Variants in SCMH1 observed in about 807,000 individuals in gnomAD.
SCMH1 encodes the protein Scm polycomb group protein homolog 1.
A neutral mutation model predicts 70.8 loss-of-function variants in SCMH1; 37 were observed. The observed-to-expected ratio is 0.52, with a 90% CI of 0.40 to 0.69. The LOEUF is 0.69. Among genes scored for constraint, SCMH1 ranks in the 30% least tolerant of loss-of-function variants. The pLI is 0.00. For missense variants in SCMH1, 607 were observed against 827.3 expected (o/e 0.73, Z 3.27); for synonymous variants, 292 against 307.4 (o/e 0.95, Z 0.52).
At chr1:41,037,067 G>A (rs1042097762) in intron 13 of SCMH1, among the ~76,000 whole-genome samples, 4 of 149,022 alleles carry the variant, frequency 2.7e-5, no homozygotes, top group Admixed American at 6.6e-5. Context: ...GCTTCCCCAT[G>A]CCAAACACAA....
intron 1 of SCMH1, among the ~76,000 whole-genome samples, chr1:41,198,831 T>C (rs149635453): frequency 1.4e-4 from 22 of 152,322 alleles, no homozygotes; most frequent in Non-Finnish European, 2.2e-4. Context: ...GAAATCTTCA[T>C]GTGAAAAGCA....
intron 8 of SCMH1, among the ~76,000 whole-genome samples, chr1:41,078,681 C>T (rs1049571144): frequency 2.6e-5 from 4 of 152,038 alleles, no homozygotes; most frequent in Admixed American, 1.3e-4. Flanking sequence ...GAATTATACA[C>T]CCAGTGAAAA....
At position 41,056,327 on chromosome 1, in the gene SCMH1, C is replaced by T. The variant is rs915768170; in HGVS notation, c.1106-7437G>A. On this transcript the variant is annotated intron_variant, in intron 10 of 14. Transcript: ENST00000337495. ...AGGTACCCCAACTGATGCCATGTGGCGCAGAGATGAGCTGTATTCATTTTA... is the reference window on the plus strand; with the variant it reads ...AGGTACCCCAACTGATGCCATGTGGTGCAGAGATGAGCTGTATTCATTTTA... Among the ~76,000 whole-genome samples, 6 of 152,328 alleles carry T rather than the reference C, an allele frequency of 3.9e-5. 1 individual carries two copies. The South Asian group carries it at 6.2e-4, about 16-fold the overall frequency.
At chr1:41,145,163 A>C (rs1293245225) in intron 5 of SCMH1, among the ~76,000 whole-genome samples, 2 of 152,106 alleles carry the variant, frequency 1.3e-5, no homozygotes, top group African/African-American at 4.8e-5. Context: ...AAGGTCATGA[A>C]GATTTCCTTC....
chr1:41,173,713 A>G (rs1434157747), intron 2 of SCMH1, among the ~76,000 whole-genome samples: 2 of 152,212 alleles, frequency 1.3e-5, no homozygotes, highest in Non-Finnish European at 2.9e-5. Flanking sequence ...GGATCAACCA[A>G]AGTGTCCATC....
chr1:41,218,358 C>T (rs1342756185), intron 1 of SCMH1, among the ~76,000 whole-genome samples: 1 of 152,022 alleles, frequency 6.6e-6, no homozygotes, highest in Non-Finnish European at 1.5e-5. Context: ...TAGGGTAGGC[C>T]ATGATCCAAT....
At chr1:41,242,123 G>A (rs1224296122), upstream of SCMH1, 1 of 149,698 alleles carries the variant, frequency 6.7e-6, no homozygotes, top group East Asian at 2.0e-4. This position sits in a 1 kb window ranked among gnomAD's most constrained non-coding sequence, Gnocchi z 5.2. Flanking sequence ...CCGCTGCGCA[G>A]GGAGGGAGCG....
At chr1:41,101,473 T>C (rs1666642332) in intron 8 of SCMH1, among the ~76,000 whole-genome samples, 1 of 152,218 alleles carries the variant, frequency 6.6e-6, no homozygotes, top group Non-Finnish European at 1.5e-5. Flanking sequence ...AACTTTTAGA[T>C]GGGAGAGAAA....
chr1:41,115,506 C>T (rs968104949), intron 7 of SCMH1, among the ~76,000 whole-genome samples: 3 of 152,168 alleles, frequency 2.0e-5, no homozygotes, highest in Non-Finnish European at 4.4e-5. Context: ...GGTGCAAACA[C>T]AGCTCCCTGC....
At chr1:41,172,184 C>CAAAAAAAAAAAAAAAAAAACAAAAAAAA in intron 2 of SCMH1, among the ~76,000 whole-genome samples, 1 of 85,816 alleles carries the variant, frequency 1.2e-5, no homozygotes, top group Non-Finnish European at 2.3e-5. Context: ...GACTCCATCT[C>CAAAAAAAAAAAAAAAAAAACAAAAAAAA]AAAAAAAAAA....
At chr1:41,139,116 AG>A (rs1339881742) in intron 6 of SCMH1, among the ~76,000 whole-genome samples, 7 of 152,098 alleles carry the variant, frequency 4.6e-5, no homozygotes, top group Non-Finnish European at 7.4e-5. Context: ...TCTTCCACAG[AG>A]GAAGTTTTCT....
chr1:41,089,313 T>C (rs1250351769), intron 8 of SCMH1, among the ~76,000 whole-genome samples: 1 of 152,332 alleles, frequency 6.6e-6, no homozygotes, highest in South Asian at 2.1e-4. Context: ...TCTCAGTCCA[T>C]AGACTTGTTC....
At chr1:41,057,352 G>A (rs1650764609) in intron 10 of SCMH1, among the ~76,000 whole-genome samples, 2 of 151,902 alleles carry the variant, frequency 1.3e-5, no homozygotes, top group Non-Finnish European at 1.5e-5. Flanking sequence ...TGCAACCTCC[G>A]CCTCCCGGGT....
chr1:41,195,657 G>C (rs1303073884), intron 1 of SCMH1, among the ~76,000 whole-genome samples: 1 of 152,122 alleles, frequency 6.6e-6, no homozygotes, highest in African/African-American at 2.4e-5. Flanking sequence ...TTAGGAATAG[G>C]ACAAAGATAG....
At chr1:41,098,979 T>G in intron 8 of SCMH1, 1 of 261,974 alleles carries the variant, frequency 3.8e-6, no homozygotes, top group South Asian at 5.8e-5. Flanking sequence ...GATGTCAAAA[T>G]CAACAAGTAC....
intron 2 of SCMH1, among the ~76,000 whole-genome samples, chr1:41,177,645 GA>G (rs1647355444): frequency 6.6e-6 from 1 of 152,164 alleles, no homozygotes; most frequent in Non-Finnish European, 1.5e-5. Flanking sequence ...ACCAGTGATG[GA>G]AGATCAAATG....
intron 6 of SCMH1, among the ~76,000 whole-genome samples, chr1:41,125,239 A>G (rs1031807356): frequency 6.6e-5 from 10 of 152,048 alleles, no homozygotes; most frequent in Non-Finnish European, 1.0e-4. Context: ...TTTTTTAGAC[A>G]GGGTTTTGCT....
chr1:41,187,045 G>A (rs1650412400), intron 1 of SCMH1, among the ~76,000 whole-genome samples: 1 of 152,130 alleles, frequency 6.6e-6, no homozygotes, highest in South Asian at 2.1e-4. Flanking sequence ...GTCGGAGTGG[G>A]AGTAAAGTAG....
chr1:41,096,140 A>C (rs1277676446), intron 8 of SCMH1, among the ~76,000 whole-genome samples: 1 of 152,232 alleles, frequency 6.6e-6, no homozygotes, highest in Non-Finnish European at 1.5e-5. Flanking sequence ...ACTAGCAATA[A>C]TAGGAACAGA....
Sources: allele counts gnomAD v4.1 joint callset (sites outside exome capture counted in the v4.1 genomes callset), GRCh38; gene constraint gnomAD v4.1.1; non-coding constraint Gnocchi (gnomAD v3.1); transcripts MANE v1.5; gene names NCBI Gene and HGNC (gene_info 2026-07-23, HGNC 2026-07-21).